ITPK1: variants seen among roughly 807,000 people sequenced by gnomAD.
The protein encoded by ITPK1 is inositol 1,3,4-trisphosphate 5/6-kinase.
ITPK1 carries 21 observed loss-of-function variants against 45.3 expected under a neutral mutation model. The ratio of observed to expected loss-of-function variants is 0.46; its 90% CI spans 0.33 to 0.67. ITPK1 has a LOEUF of 0.67. Ranked by LOEUF, ITPK1 falls within the 30% of genes least tolerant of loss-of-function variation. ITPK1 has a pLI of 0.02. For synonymous variants in ITPK1, 258 were observed against 253.6 expected (o/e 1.02, Z -0.16); for missense variants, 474 against 573.5 (o/e 0.83, Z 1.77).
chr14:92,948,667 C>T (rs1480059871), intron 9 of ITPK1, among the ~76,000 whole-genome samples: 1 of 151,916 alleles, frequency 6.6e-6, no homozygotes, highest in Non-Finnish European at 1.5e-5. Context: ...AAAGTGAAAG[C>T]AGATCGACAG....
chr14:92,985,246 T>C (rs1886436227), intron 5 of ITPK1, among the ~76,000 whole-genome samples: 1 of 152,036 alleles, frequency 6.6e-6, no homozygotes, highest in East Asian at 1.9e-4. Context: ...GACAACCAGA[T>C]TGGATCCTGG....
chr14:92,959,924 C>A (rs1335607368), intron 7 of ITPK1, among the ~76,000 whole-genome samples: 3 of 152,186 alleles, frequency 2.0e-5, no homozygotes, highest in Non-Finnish European at 2.9e-5. Flanking sequence ...CGATCAGAAG[C>A]ACCTGCTGCC....
intron 9 of ITPK1, among the ~76,000 whole-genome samples, chr14:92,947,910 C>T (rs1595076621): frequency 1.3e-5 from 2 of 152,186 alleles, no homozygotes; most frequent in East Asian, 3.8e-4. Context: ...GGATGCTGTC[C>T]ACCCACGCTC....
Position 92,941,231 on chromosome 14 carries a change from C to T in ITPK1, c.*330G>A. Reference sequence around the variant, plus strand: ...GGAGACCAACAGACAGGGATGTGCACAGACACTGGCATGGCAGCCATACGC... The same window carrying T: ...GGAGACCAACAGACAGGGATGTGCATAGACACTGGCATGGCAGCCATACGC... On this transcript the variant is annotated 3_prime_UTR_variant, in exon 11 of 11. Transcript: ENST00000267615. The T allele has an allele frequency of 7.6e-7, 1 of 1,316,734 alleles. No homozygotes were observed. Among genetic ancestry groups the T allele is most frequent in the Non-Finnish European group, 9.7e-7 (1 of 1,028,536 alleles). 81.6% of individuals were successfully genotyped at this position (1,316,734 alleles called of 1,614,324 possible).
chr14:93,009,912 C>T (rs1566732221), intron 4 of ITPK1, among the ~76,000 whole-genome samples: 1 of 152,190 alleles, frequency 6.6e-6, no homozygotes, highest in Non-Finnish European at 1.5e-5. Context: ...CCTGACCTTG[C>T]CACTTTCTAC....
chr14:92,954,040 C>T (rs557506288), intron 8 of ITPK1, among the ~76,000 whole-genome samples: 64 of 152,238 alleles, frequency 4.2e-4, no homozygotes, highest in African/African-American at 1.5e-3. Context: ...ATTACAGGCA[C>T]CTGCCACCAC....
At chr14:93,112,299 A>C (rs1393588670) in intron 2 of ITPK1, among the ~76,000 whole-genome samples, 1 of 152,138 alleles carries the variant, frequency 6.6e-6, no homozygotes, top group Non-Finnish European at 1.5e-5. Flanking sequence ...TGTAAGACAA[A>C]GGGGCTAGAT....
intron 3 of ITPK1, among the ~76,000 whole-genome samples, chr14:93,075,914 C>T (rs892235161): frequency 6.6e-6 from 1 of 152,192 alleles, no homozygotes; most frequent in African/African-American, 2.4e-5. Flanking sequence ...GCCAGGCCAC[C>T]ATCAGGTTTA....
intron 4 of ITPK1, among the ~76,000 whole-genome samples, chr14:93,004,381 G>T (rs1887502232): frequency 1.3e-5 from 2 of 152,202 alleles, no homozygotes; most frequent in African/African-American, 4.8e-5. Flanking sequence ...GGCTCCTTGG[G>T]AGAGTTGAGC....
intron 3 of ITPK1, among the ~76,000 whole-genome samples, chr14:93,060,119 G>A (rs1890453492): frequency 6.6e-6 from 1 of 152,070 alleles, no homozygotes; most frequent in African/African-American, 2.4e-5. Flanking sequence ...TGACATGCCT[G>A]GGCAGTGGCT....
Position 92,941,020 on chromosome 14 carries a change from T to C in ITPK1, c.*541A>G, listed in dbSNP as rs1887351070. 4 of 1,253,134 alleles carry C rather than the reference T, an allele frequency of 3.2e-6. No individual in the cohort carries two copies. In the South Asian group the frequency reaches 5.3e-5, roughly 17 times the overall value. The allele number at this position is 1,253,134 out of a possible 1,614,324, so 77.6% of individuals were successfully genotyped here. Reference sequence around the variant, plus strand: ...TGGCTGTGGGGAGGGAGGGGTTAGCTGCACACCAGGCAGGGTGGGGGCTAA... The same window carrying C: ...TGGCTGTGGGGAGGGAGGGGTTAGCCGCACACCAGGCAGGGTGGGGGCTAA... On this transcript the variant is annotated 3_prime_UTR_variant, in exon 11 of 11. Coordinates refer to ENST00000267615, the MANE Select transcript of ITPK1 (RefSeq NM_014216.6).
At chr14:92,956,294 ATT>A (rs146213518) in intron 8 of ITPK1, among the ~76,000 whole-genome samples, 2 of 139,132 alleles carry the variant, frequency 1.4e-5, no homozygotes, top group Non-Finnish European at 1.6e-5. Context: ...TAATTTTTTA[ATT>A]TTTTTTTTTT....
chr14:93,006,099 T>C (rs907136962), intron 4 of ITPK1, among the ~76,000 whole-genome samples: 2 of 152,064 alleles, frequency 1.3e-5, no homozygotes, highest in African/African-American at 4.8e-5. Flanking sequence ...CACAAACTTG[T>C]TCCAAATGCA....
chr14:92,969,744 C>T (rs1018993560), intron 5 of ITPK1, among the ~76,000 whole-genome samples: 9 of 151,794 alleles, frequency 5.9e-5, no homozygotes, highest in African/African-American at 1.7e-4. Context: ...ATTTCTGGTT[C>T]CCTGAAAAAG....
At chr14:92,944,194 C>A (rs1051479278) in intron 10 of ITPK1, among the ~76,000 whole-genome samples, 3 of 152,164 alleles carry the variant, frequency 2.0e-5, no homozygotes, top group Non-Finnish European at 4.4e-5. Context: ...TGCTGGACAC[C>A]CATGGCCCAA....
At position 93,055,438 on chromosome 14, in the gene ITPK1, C is replaced by A. The variant is rs1890181630; in HGVS notation, c.120+21157G>T. ...TACTCTCCTTCATTTTTCTCCCAGT[C>A]CCCCTCCCCCACCTCACTCGCCACC... On this transcript the variant is annotated intron_variant, in intron 3 of 10. Transcript: ENST00000267615. 2.6e-5 allele frequency among the ~76,000 whole-genome samples: 4 copies of A among 152,120 alleles called. No individual in the cohort carries two copies. In the South Asian group the frequency reaches 8.3e-4, roughly 32 times the overall value.
chr14:93,112,944 T>A (rs745983118), intron 2 of ITPK1, among the ~76,000 whole-genome samples: 5 of 152,214 alleles, frequency 3.3e-5, no homozygotes, highest in African/African-American at 4.8e-5. Flanking sequence ...CCCTGGTCAC[T>A]GGCTCAACAG....
At chr14:92,977,487 C>A (rs1047709378) in intron 5 of ITPK1, among the ~76,000 whole-genome samples, 15 of 152,186 alleles carry the variant, frequency 9.9e-5, no homozygotes, top group Non-Finnish European at 1.5e-5. Flanking sequence ...CTAAGCCAGC[C>A]GACGTGGTTT....
intron 8 of ITPK1, among the ~76,000 whole-genome samples, chr14:92,957,909 G>A (rs1884832209): frequency 6.6e-6 from 1 of 152,208 alleles, no homozygotes; most frequent in Non-Finnish European, 1.5e-5. Context: ...TCATTATTGT[G>A]TGGGTCCCCC....
Sources: gnomAD v4.1 joint callset for allele counts (sites outside exome capture counted in the v4.1 genomes callset) on GRCh38, gnomAD v4.1.1 for gene constraint, MANE v1.5 for transcripts, NCBI Gene and HGNC (gene_info 2026-07-23, HGNC 2026-07-21) for gene names.